SPTLC2: variants seen among roughly 807,000 people sequenced by gnomAD.
SPTLC2 encodes serine palmitoyltransferase 2.
A neutral mutation model predicts 62.0 loss-of-function variants in SPTLC2; 21 were observed. The observed-to-expected ratio is 0.34, with a 90% CI of 0.24 to 0.49. The LOEUF is 0.49. Ranked by LOEUF, SPTLC2 falls within the 20% of genes least tolerant of loss-of-function variation. The pLI is 0.99. For missense variants in SPTLC2, 511 were observed against 713.0 expected (o/e 0.72, Z 3.23); for synonymous variants, 261 against 261.8 (o/e 1.00, Z 0.03).
intron 9 of SPTLC2, among the ~76,000 whole-genome samples, chr14:77,539,483 CTTT>C (rs71128638): frequency 0.23 from 12,443 of 53,038 alleles, 359 homozygotes; most frequent in Middle Eastern, 0.48. Flanking sequence ...TCTTAAGAGG[CTTT>C]TTTTTTTTTT....
chr14:77,562,849 T>C (rs2079622545), intron 5 of SPTLC2, among the ~76,000 whole-genome samples: 1 of 152,214 alleles, frequency 6.6e-6, no homozygotes, highest in Non-Finnish European at 1.5e-5. Context: ...TAGTATCATG[T>C]TCTGTTTATC....
At chr14:77,603,259 C>T (rs1215772564) in intron 1 of SPTLC2, among the ~76,000 whole-genome samples, 3 of 152,198 alleles carry the variant, frequency 2.0e-5, no homozygotes, top group African/African-American at 7.2e-5. Context: ...TGGTTTGGAA[C>T]TTTATTTTTA....
intron 9 of SPTLC2, among the ~76,000 whole-genome samples, chr14:77,526,018 A>C (rs955124846): frequency 2.6e-5 from 4 of 152,224 alleles, no homozygotes; most frequent in Non-Finnish European, 5.9e-5. Flanking sequence ...TAAAGCAGGA[A>C]ATTTCTTATG....
At chr14:77,568,489 C>T (rs2140032129) in intron 5 of SPTLC2, among the ~76,000 whole-genome samples, 1 of 152,234 alleles carries the variant, frequency 6.6e-6, no homozygotes, top group South Asian at 2.1e-4. Flanking sequence ...TACTGATTTT[C>T]TGTTTCATTC....
Position 77,579,069 on chromosome 14 carries a change from G to C in SPTLC2, c.368C>G (p.Thr123Arg). ...TCTTATCCTCATGTACAGATTCCTT[G>C]TATAAAAGTTTTCAAAATCTTGATA... is the stretch of plus-strand genomic sequence containing the variant. ...SLYQDFENFY[T>R]RNLYMRIRDN... The change falls in exon 3 of 12, where the codon ACA becomes AGA. Residue 123 changes from threonine (T) to arginine (R), a missense_variant. Coordinates refer to ENST00000216484, the MANE Select transcript of SPTLC2 (RefSeq NM_004863.4). The C allele has an allele frequency of 6.2e-7, 1 of 1,614,088 alleles. No homozygotes were observed. The highest frequency in any genetic ancestry group is 1.3e-5 in the African/African-American group (1 of 75,040).
At chr14:77,610,826 G>A (rs968088946) in intron 1 of SPTLC2, among the ~76,000 whole-genome samples, 10 of 151,842 alleles carry the variant, frequency 6.6e-5, no homozygotes, top group Admixed American at 3.3e-4. Context: ...CAGGAGGATC[G>A]ATTGTACCCA....
intron 2 of SPTLC2, among the ~76,000 whole-genome samples, chr14:77,595,178 A>G (rs934643946): frequency 3.3e-4 from 50 of 152,262 alleles, no homozygotes; most frequent in African/African-American, 1.1e-3. Context: ...CAGCCTGGCC[A>G]ACATGGTGAA....
chr14:77,532,547 G>A (rs781740538), intron 9 of SPTLC2, among the ~76,000 whole-genome samples: 5 of 152,156 alleles, frequency 3.3e-5, no homozygotes, highest in Non-Finnish European at 7.3e-5. Flanking sequence ...CACTTTGGGA[G>A]GCCGAGGCAG....
At chr14:77,550,704 C>G (rs1426947790) in intron 9 of SPTLC2, among the ~76,000 whole-genome samples, 2 of 151,758 alleles carry the variant, frequency 1.3e-5, no homozygotes, top group Non-Finnish European at 2.9e-5. Flanking sequence ...GGGTTCAAGA[C>G]CAACCTGGGC....
intron 6 of SPTLC2, 42 bp downstream of exon 6, chr14:77,562,354 T>C (rs750405605): frequency 1.5e-5 from 24 of 1,568,094 alleles, no homozygotes; most frequent in African/African-American, 5.4e-5. Context: ...ATCGAAAGAA[T>C]AGCAAAACCA....
At chr14:77,583,642 C>G (rs74597996) in intron 2 of SPTLC2, among the ~76,000 whole-genome samples, 4,527 of 152,238 alleles carry the variant, frequency 0.03, 234 homozygotes, top group African/African-American at 0.1. Context: ...TAATACTCAT[C>G]ATCATTGACC....
At chr14:77,573,628 C>A (rs117271004) in intron 4 of SPTLC2, among the ~76,000 whole-genome samples, 9,760 of 152,086 alleles carry the variant, frequency 0.064, 399 homozygotes, top group Non-Finnish European at 0.093. Flanking sequence ...GAAGACAATG[C>A]TGTTTTTTTG....
At chr14:77,595,504 A>G (rs944640941) in intron 2 of SPTLC2, among the ~76,000 whole-genome samples, 9 of 152,222 alleles carry the variant, frequency 5.9e-5, no homozygotes, top group Non-Finnish European at 1.2e-4. Flanking sequence ...TTGTGAAATT[A>G]ACTTGCAGGG....
intron 7 of SPTLC2, 91 bp from the exon 8 acceptor site, chr14:77,555,610 T>A: frequency 8.0e-7 from 1 of 1,247,960 alleles, no homozygotes; most frequent in Non-Finnish European, 1.1e-6. Flanking sequence ...TATTATTGAG[T>A]TTACTGCTTC....
chr14:77,580,164 A>G (rs1198872971), intron 2 of SPTLC2, among the ~76,000 whole-genome samples: 1 of 152,170 alleles, frequency 6.6e-6, no homozygotes, highest in Non-Finnish European at 1.5e-5. Context: ...AATAATAAAC[A>G]AGAAACACTA....
chr14:77,530,621 G>C (rs574964062), intron 9 of SPTLC2, among the ~76,000 whole-genome samples: 14 of 152,306 alleles, frequency 9.2e-5, no homozygotes, highest in African/African-American at 3.4e-4. Flanking sequence ...AGTAACTTCT[G>C]AGAGGAAGAA....
chr14:77,517,720 CAA>C (rs952536418), intron 11 of SPTLC2, among the ~76,000 whole-genome samples: 3 of 151,726 alleles, frequency 2.0e-5, no homozygotes, highest in African/African-American at 7.3e-5. Flanking sequence ...AGAGAAAGCT[CAA>C]GAGAGAAAAT....
chr14:77,542,158 C>T lies in SPTLC2; in HGVS notation c.1303+9938G>A, dbSNP rs148441523. 1.4e-3 allele frequency among the ~76,000 whole-genome samples: 207 copies of T among 150,050 alleles called. 1 individual carries two copies. Among genetic ancestry groups the T allele is most frequent in the African/African-American group, 4.7e-3 (194 of 40,890 alleles). ...AAGTAGGGTGAGAGGGAGAGTAGAG[C>T]ATGTAAAGAAAAAAAAAGTCAGTGA... On this transcript the variant is annotated intron_variant, in intron 9 of 11. Coordinates refer to ENST00000216484, the MANE Select transcript of SPTLC2 (RefSeq NM_004863.4).
At chr14:77,551,315 C>A (rs534525122) in intron 9 of SPTLC2, among the ~76,000 whole-genome samples, 2 of 134,508 alleles carry the variant, frequency 1.5e-5, no homozygotes, top group African/African-American at 5.4e-5. Flanking sequence ...GGTGTGAACC[C>A]GGGAGGCAGA....
Sources: gnomAD v4.1 joint callset for allele counts (sites outside exome capture counted in the v4.1 genomes callset) on GRCh38, gnomAD v4.1.1 for gene constraint, MANE v1.5 for transcripts, NCBI Gene and HGNC (gene_info 2026-07-23, HGNC 2026-07-21) for gene names.